The following NAV2 variants were observed in gnomAD, a reference collection of about 807,000 sequenced individuals.
The protein encoded by NAV2 is helicase, APC down-regulated 1.
A neutral mutation model predicts 223.2 loss-of-function variants in NAV2; 54 were observed. The observed-to-expected ratio is 0.24, with a 90% CI of 0.19 to 0.30. NAV2 has a LOEUF of 0.30. Ranked by LOEUF, NAV2 falls within the 10% of genes least tolerant of loss-of-function variation. The probability of loss-of-function intolerance (pLI) is 1.00; values close to 1 mark genes in which losing one functional copy is unlikely to be tolerated. For missense variants in NAV2, 2,806 were observed against 3,147.5 expected, an observed-to-expected ratio of 0.89 and a Z score of 2.60; for synonymous variants, 1,279 against 1,239.3, an observed-to-expected ratio of 1.03 and a Z score of -0.67.
intron 1 of NAV2, among the ~76,000 whole-genome samples, chr11:19,610,757 A>AGT (rs1162084404): frequency 6.6e-6 from 1 of 151,378 alleles, no homozygotes; most frequent in African/African-American, 2.4e-5. Context: ...TGGATGGAGC[A>AGT]GTGGGTGGAT....
At chr11:19,533,241 A>G (rs1272713083) in intron 1 of NAV2, among the ~76,000 whole-genome samples, 1 of 152,092 alleles carries the variant, frequency 6.6e-6, no homozygotes, top group Non-Finnish European at 1.5e-5. Flanking sequence ...AGCTAGATAT[A>G]TCTTTGTGAT....
intron 1 of NAV2, among the ~76,000 whole-genome samples, chr11:19,686,466 C>A (rs2049028139): frequency 6.6e-6 from 1 of 152,206 alleles, no homozygotes; most frequent in South Asian, 2.1e-4. Flanking sequence ...GGGTGGCTCA[C>A]AGGGAGGTAC....
intron 30 of NAV2, among the ~76,000 whole-genome samples, chr11:20,097,229 A>G (rs2061337883): frequency 6.6e-6 from 1 of 152,226 alleles, no homozygotes; most frequent in African/African-American, 2.4e-5. Flanking sequence ...TGAATTTTCC[A>G]GCACCATTCA....
chr11:19,505,197 G>A (rs1388012306), intron 1 of NAV2: 1 of 152,302 alleles, frequency 6.6e-6, no homozygotes, highest in East Asian at 1.9e-4. Flanking sequence ...CTTGGGGAGG[G>A]TGGAAGAGCA....
intron 1 of NAV2, among the ~76,000 whole-genome samples, chr11:19,373,267 A>G (rs1457370347): frequency 6.6e-6 from 1 of 152,050 alleles, no homozygotes; most frequent in African/African-American, 2.4e-5. Context: ...TAACTCCCCA[A>G]TTTATGACTC....
At chr11:19,607,774 G>A (rs982324674) in intron 1 of NAV2, among the ~76,000 whole-genome samples, 3 of 152,218 alleles carry the variant, frequency 2.0e-5, no homozygotes, top group African/African-American at 7.2e-5. Context: ...GCTTGGAAGA[G>A]AAGCGTCGTG....
chr11:19,941,442 CTG>C (rs1172008981), intron 8 of NAV2, among the ~76,000 whole-genome samples: 1 of 101,332 alleles, frequency 9.9e-6, no homozygotes, highest in Non-Finnish European at 1.8e-5. Context: ...TATGGAGACA[CTG>C]AATAATAAAT....
At chr11:19,452,107 AGT>A (rs60628637) in intron 1 of NAV2, among the ~76,000 whole-genome samples, 31,342 of 146,254 alleles carry the variant, frequency 0.21, 3,234 homozygotes, top group Non-Finnish European at 0.22. Flanking sequence ...AGGTTACAAA[AGT>A]GTGTGTGTGT....
intron 22 of NAV2, among the ~76,000 whole-genome samples, chr11:20,074,309 G>T (rs952047777): frequency 2.6e-5 from 4 of 152,124 alleles, no homozygotes; most frequent in African/African-American, 9.7e-5. Context: ...TGTTTGCTAT[G>T]ATTTCCATTC....
At chr11:19,604,394 A>C (rs10741784) in intron 1 of NAV2, among the ~76,000 whole-genome samples, 1 of 151,536 alleles carries the variant, frequency 6.6e-6, no homozygotes, top group East Asian at 2.0e-4. Context: ...TGGTGTATAG[A>C]GTGTGAAAAA....
At chr11:20,075,385 A>T (rs1270905037) in intron 22 of NAV2, among the ~76,000 whole-genome samples, 1 of 149,940 alleles carries the variant, frequency 6.7e-6, no homozygotes, top group East Asian at 2.0e-4. Flanking sequence ...CACCATGCCC[A>T]GCTAGTTTTT....
At chr11:20,013,913 G>T (rs1266954335) in intron 11 of NAV2, among the ~76,000 whole-genome samples, 3 of 152,242 alleles carry the variant, frequency 2.0e-5, no homozygotes, top group Non-Finnish European at 1.5e-5. Context: ...GAGAGCCACA[G>T]TCAGGAAGTG....
chr11:19,874,210 C>G (rs2585753), intron 4 of NAV2, among the ~76,000 whole-genome samples: 31,685 of 152,168 alleles, frequency 0.21, 3,711 homozygotes, highest in South Asian at 0.41. Flanking sequence ...AGATTAGGAC[C>G]AGCCAGTGGG....
intron 1 of NAV2, among the ~76,000 whole-genome samples, chr11:19,372,229 T>C (rs1848496150): frequency 6.6e-6 from 1 of 152,238 alleles, no homozygotes; most frequent in Non-Finnish European, 1.5e-5. Flanking sequence ...TCCTCATTTG[T>C]AGAAGAGGGG....
At chr11:19,594,665 A>T (rs193172013) in intron 1 of NAV2, among the ~76,000 whole-genome samples, 101 of 152,246 alleles carry the variant, frequency 6.6e-4, no homozygotes, top group Middle Eastern at 3.4e-3. Flanking sequence ...TGGCAGAGTG[A>T]TTGTATAGAT....
chr11:20,103,583 C>T (rs2061801058), intron 33 of NAV2, 70 bp from the exon 34 acceptor site: 4 of 1,536,136 alleles, frequency 2.6e-6, no homozygotes, highest in East Asian at 2.2e-5. Flanking sequence ...GGGCCATGGG[C>T]CTCTGTGACC....
intron 12 of NAV2, among the ~76,000 whole-genome samples, chr11:20,039,357 G>A (rs980363489): frequency 1.3e-5 from 2 of 152,132 alleles, no homozygotes; most frequent in African/African-American, 2.4e-5. Flanking sequence ...TTCCCTAGGT[G>A]CCTGAGACTG....
chr11:19,818,769 G>T (rs1444930123), intron 1 of NAV2, among the ~76,000 whole-genome samples: 2 of 152,180 alleles, frequency 1.3e-5, no homozygotes, highest in African/African-American at 4.8e-5. Flanking sequence ...TCTCATGGCA[G>T]TGTTACTTAC....
intron 1 of NAV2, among the ~76,000 whole-genome samples, chr11:19,789,708 T>C (rs529456610): frequency 3.9e-5 from 6 of 152,244 alleles, no homozygotes; most frequent in African/African-American, 1.4e-4. Context: ...GTGGAAGAGG[T>C]GACTTTGGAG....
Sources: gnomAD v4.1 joint callset for allele counts (sites outside exome capture counted in the v4.1 genomes callset) on GRCh38, gnomAD v4.1.1 for gene constraint, MANE v1.5 for transcripts, NCBI Gene and HGNC (gene_info 2026-07-23, HGNC 2026-07-21) for gene names.